The following CAPN7 variants were observed in gnomAD, a reference collection of about 807,000 sequenced individuals.
CAPN7 encodes calpain 7.
CAPN7 carries 72 observed loss-of-function variants against 115.2 expected under a neutral mutation model. The ratio of observed to expected loss-of-function variants is 0.63; its 90% CI spans 0.52 to 0.76. The LOEUF is 0.76. Among genes scored for constraint, CAPN7 ranks in the 30% least tolerant of loss-of-function variants. CAPN7 has a pLI of 0.00. For synonymous variants in CAPN7, 344 were observed against 322.3 expected (o/e 1.07, Z -0.72); for missense variants, 905 against 971.5 (o/e 0.93, Z 0.91).
chr3:15,240,656 C>CAA (rs753810405), intron 13 of CAPN7, 39 bp downstream of exon 13: 19 of 1,517,400 alleles, frequency 1.3e-5, no homozygotes, highest in Middle Eastern at 1.8e-4. Flanking sequence ...ATTTATTCTT[C>CAA]AAAAAAAAAC....
chr3:15,229,559 T>TC (rs1559398862), intron 8 of CAPN7, among the ~76,000 whole-genome samples: 16 of 120,904 alleles, frequency 1.3e-4, no homozygotes, highest in African/African-American at 7.9e-4. Flanking sequence ...TTTACTTTTT[T>TC]TCTTTTTTTT....
At chr3:15,239,920 G>T (rs1695239216) in intron 12 of CAPN7, among the ~76,000 whole-genome samples, 1 of 152,148 alleles carries the variant, frequency 6.6e-6, no homozygotes, top group African/African-American at 2.4e-5. Flanking sequence ...AAAGGGAACA[G>T]CATGATCAAT....
Position 15,230,464 on chromosome 3 carries a change from G to C in CAPN7, c.961G>C (p.Asp321His), listed in dbSNP as rs1694616678. Residue 321 changes from aspartate (D) to histidine (H), a missense_variant, in exon 9 of 21, where the codon GAT becomes CAT. Around this residue, in one of 3 missense-constraint regions of CAPN7, gnomAD observed 620 missense variants for 703.4 expected, o/e 0.88. Coordinates refer to ENST00000253693, the MANE Select transcript of CAPN7 (RefSeq NM_014296.3). ...AAGCATAATTTACCCTCAAAACAAG[G>C]ATGGTGAACCAGAATACAATCCATG... ...ITGIIYPQNK[D>H]GEPEYNPCGK... 2 of 1,611,736 alleles carry C rather than the reference G, an allele frequency of 1.2e-6. No individual in the cohort carries two copies. Among genetic ancestry groups the C allele is most frequent in the Non-Finnish European group, 1.7e-6 (2 of 1,178,284 alleles).
At chr3:15,208,341 G>A (rs1265800001) in intron 1 of CAPN7, among the ~76,000 whole-genome samples, 4 of 150,786 alleles carry the variant, frequency 2.7e-5, no homozygotes, top group Non-Finnish European at 5.9e-5. Context: ...CTGGAGTGCC[G>A]TGGCCCACTA....
intron 4 of CAPN7, 29 bp downstream of exon 4, chr3:15,218,569 A>C (rs1170865630): frequency 6.7e-7 from 1 of 1,500,626 alleles, no homozygotes; most frequent in South Asian, 1.1e-5. Flanking sequence ...GTTCTAATCC[A>C]TGGATGGCAC....
Position 15,246,786 on chromosome 3 carries a change from T to C in CAPN7, c.2065T>C (p.Ser689Pro). The C allele has an allele frequency of 1.2e-6, 2 of 1,600,938 alleles. No homozygotes were observed. Among genetic ancestry groups the C allele is most frequent in the Non-Finnish European group, 1.7e-6 (2 of 1,171,882 alleles). Reference protein sequence around the residue: ...FSKIPSPYTLSKRINGKWSGQ... With the variant: ...FSKIPSPYTLPKRINGKWSGQ... The stretch of plus-strand genomic sequence containing the variant: ...AAAGATTCCTTCACCATACACCTTA[T>C]CAAAACGGGTGAGAAAATTCATTTG... Residue 689 changes from serine to proline, a missense_variant, in exon 18 of 21, where the codon TCA becomes CCA. By Grantham distance (74) the Ser-to-Pro change is moderately conservative. This residue lies in a region of CAPN7 where 620 missense variants were observed against 703.4 expected (regional missense o/e 0.88). Transcript: ENST00000253693.
chr3:15,223,791 A>G (rs1200448717), intron 6 of CAPN7, among the ~76,000 whole-genome samples: 1 of 152,218 alleles, frequency 6.6e-6, no homozygotes, highest in Non-Finnish European at 1.5e-5. Flanking sequence ...AGTGTCTAGC[A>G]CAGTACCTGG....
In CAPN7 at chr3:15,250,274, G is replaced by T. The variant is rs575827157; in HGVS notation, c.2205-657G>T. ...TACCCATAGTCCCAGGTCCTGAGGA[G>T]GCTAAGGTGGGAGAATCCCGAGTCC... On this transcript the variant is annotated intron_variant, in intron 19 of 20. Coordinates refer to ENST00000253693, the MANE Select transcript of CAPN7 (RefSeq NM_014296.3). 1.7e-3 allele frequency among the ~76,000 whole-genome samples: 258 copies of T among 152,078 alleles called. 1 individual carries two copies. The highest frequency in any genetic ancestry group is 5.8e-3 in the African/African-American group (239 of 41,530).
chr3:15,224,097 G>C (rs1053248183), intron 6 of CAPN7, among the ~76,000 whole-genome samples: 1 of 152,104 alleles, frequency 6.6e-6, no homozygotes, highest in Non-Finnish European at 1.5e-5. Context: ...ACTCATCAAA[G>C]CATCTGTTGC....
chr3:15,212,626 C>T (rs1013048305), intron 2 of CAPN7, among the ~76,000 whole-genome samples: 1 of 152,112 alleles, frequency 6.6e-6, no homozygotes, highest in Non-Finnish European at 1.5e-5. Flanking sequence ...CTTTCGGTGT[C>T]TTCTACTTTC....
At position 15,241,542 on chromosome 3, in the gene CAPN7, G is replaced by C. The variant is rs758475197; in HGVS notation, c.1742G>C (p.Gly581Ala). 5 of 1,614,038 alleles carry C rather than the reference G, an allele frequency of 3.1e-6. No individual in the cohort carries two copies. The Admixed American group carries it at 5.0e-5, about 16-fold the overall frequency. The change falls in exon 15 of 21, where the codon GGG (glycine) becomes GCG (alanine). Residue 581 changes from glycine (G) to alanine (A), a missense_variant. Coordinates refer to ENST00000253693, the MANE Select transcript of CAPN7 (RefSeq NM_014296.3). ...QYKLEVQCPQGGAAVWVLLSR... is the reference protein window; with the variant it reads ...QYKLEVQCPQAGAAVWVLLSR... ...AAACTGGAGGTGCAGTGTCCACAGG[G>C]GGGTGCTGCAGTTTGGGTTTTGCTT...
chr3:15,220,813 C>A lies in CAPN7; in HGVS notation c.470C>A (p.Pro157Gln). 6.2e-7 allele frequency: 1 copy of A among 1,614,142 alleles called. No homozygotes were observed. The highest frequency in any genetic ancestry group is 8.5e-7 in the Non-Finnish European group (1 of 1,180,018). The change falls in exon 5 of 21, where the codon CCA becomes CAA. Residue 157 changes from proline (P) to glutamine (Q), a missense_variant. Physicochemically the swap from Pro to Gln is moderately conservative, Grantham distance 76. This residue lies in a region of CAPN7 where 271 missense variants were observed against 239.6 expected (regional missense o/e 1.13). Coordinates refer to ENST00000253693, the MANE Select transcript of CAPN7 (RefSeq NM_014296.3). ...GCGCTGAGTGAGCCTTTGACCAAGC[C>A]AGTTGGCAAAATCAGTTCAACAAGT... ...AEALSEPLTK[P>Q]VGKISSTSVK...
intron 19 of CAPN7, among the ~76,000 whole-genome samples, chr3:15,250,208 A>T (rs958521219): frequency 1.3e-5 from 2 of 151,480 alleles, no homozygotes; most frequent in African/African-American, 4.8e-5. Flanking sequence ...CCCCCTGTCC[A>T]TAAAAAAAAA....
Position 15,242,210 on chromosome 3 carries a change from A to G in CAPN7, c.1821A>G (p.Thr607=), listed in dbSNP as rs138126757. 2.8e-5 allele frequency: 45 copies of G among 1,605,456 alleles called. No individual in the cohort carries two copies. In the African/African-American group the frequency reaches 5.8e-4, roughly 21 times the overall value. The change falls in exon 16 of 21, where the codon ACA becomes ACG. Residue 607 remains threonine, a synonymous_variant. Transcript: ENST00000253693. ...TTGCGAATAATCGAGAATTTATCAC[A>G]ATGGTTGTATACAAGACTGATGGGA... ...DDFANNREFI[T]MVVYKTDGKK...
chr3:15,242,999 C>T (rs1401808671), intron 16 of CAPN7, among the ~76,000 whole-genome samples: 1 of 152,066 alleles, frequency 6.6e-6, no homozygotes. Context: ...ATATCAAGTA[C>T]TGATACACGT....
In CAPN7 at chr3:15,229,048, G is replaced by A; in HGVS notation, c.927G>A (p.Lys309=). The A allele has an allele frequency of 1.9e-6, 3 of 1,611,558 alleles. No individual in the cohort carries two copies. Among genetic ancestry groups the A allele is most frequent in the African/African-American group, 1.3e-5 (1 of 74,976 alleles). Residue 309 remains lysine (K), a synonymous_variant, in exon 8 of 21, where the codon AAG becomes AAA. Coordinates refer to ENST00000253693, the MANE Select transcript of CAPN7 (RefSeq NM_014296.3). ...SAAYERRFNK[K]LITGIIYPQN... is the part of the protein sequence containing the mutation. ...CTTATGAAAGACGTTTTAATAAGAA[G>A]TTAATTACCGGGTAAAAATGTGTCT...
Position 15,212,110 on chromosome 3 carries a change from G to T in CAPN7, c.109G>T (p.Ala37Ser), listed in dbSNP as rs769501079. Residue 37 changes from alanine to serine, a missense_variant, in exon 2 of 21, where the codon GCA becomes TCA. Ala to Ser is a moderately conservative substitution (Grantham distance 99). Transcript: ENST00000253693. ...TGAATTCTTTCATTTTTAGGAAGCTGCACAAGCCTTAATTTATGCTGAGAT... is the reference window on the plus strand; with the variant it reads ...TGAATTCTTTCATTTTTAGGAAGCTTCACAAGCCTTAATTTATGCTGAGAT... ...SEAVFYYKEA[A>S]QALIYAEMAG... 2 of 1,598,236 alleles carry T rather than the reference G, an allele frequency of 1.3e-6. No homozygotes were observed. Among genetic ancestry groups the T allele is most frequent in the East Asian group, 4.5e-5 (2 of 44,426 alleles).
intron 12 of CAPN7, among the ~76,000 whole-genome samples, chr3:15,236,012 TA>T (rs888470778): frequency 4.0e-5 from 6 of 150,978 alleles, no homozygotes; most frequent in African/African-American, 1.2e-4. Flanking sequence ...CTACAAAAAA[TA>T]AAAAAAAATT....
At chr3:15,223,594 A>G (rs1422382656) in intron 6 of CAPN7, 33 bp downstream of exon 6, 3 of 1,256,312 alleles carry the variant, frequency 2.4e-6, no homozygotes, top group Admixed American at 2.1e-5. Context: ...TTTAACTCCA[A>G]TATTTTAACT....
Sources: allele counts gnomAD v4.1 joint callset (sites outside exome capture counted in the v4.1 genomes callset), GRCh38; gene constraint gnomAD v4.1.1; regional missense constraint gnomAD v4.1.1; transcripts MANE v1.5; gene names NCBI Gene and HGNC (gene_info 2026-07-23, HGNC 2026-07-21).